The following FRAS1 variants were observed in gnomAD, a reference collection of about 807,000 sequenced individuals.
The protein encoded by FRAS1 is Fraser extracellular matrix complex subunit 1.
In FRAS1, 290 loss-of-function variants were observed where a neutral mutation model predicts 435.2. The observed-to-expected ratio is 0.67, with a 90% CI of 0.61 to 0.73. The LOEUF is 0.73. Among genes scored for constraint, FRAS1 ranks in the 30% least tolerant of loss-of-function variants. FRAS1 has a pLI of 0.00. For missense variants in FRAS1, 4,860 were observed against 5,001.5 expected (o/e 0.97, Z 0.85); for synonymous variants, 1,800 against 1,851.0 (o/e 0.97, Z 0.71).
chr4:78,248,828 G>A (rs1407318975), intron 4 of FRAS1, among the ~76,000 whole-genome samples: 1 of 151,690 alleles, frequency 6.6e-6, no homozygotes, highest in Non-Finnish European at 1.5e-5. Context: ...CTATGCAGGA[G>A]AATATATTTA....
At chr4:78,435,288 A>G (rs1356845777) in intron 38 of FRAS1, among the ~76,000 whole-genome samples, 1 of 152,158 alleles carries the variant, frequency 6.6e-6, no homozygotes, top group Non-Finnish European at 1.5e-5. Flanking sequence ...ACAAACAAAA[A>G]CAAACAATGA....
intron 2 of FRAS1, among the ~76,000 whole-genome samples, chr4:78,085,948 C>G (rs960539180): frequency 2.0e-5 from 3 of 152,186 alleles, no homozygotes; most frequent in African/African-American, 7.2e-5. Context: ...ACAGAACTCT[C>G]CACCCCAAAT....
intron 3 of FRAS1, among the ~76,000 whole-genome samples, chr4:78,242,907 CGT>C (rs1468145643): frequency 6.6e-6 from 1 of 152,064 alleles, no homozygotes; most frequent in Non-Finnish European, 1.5e-5. Context: ...ATTCTATATC[CGT>C]ATCTTATATT....
chr4:78,306,231 C>T (rs946082587), intron 14 of FRAS1, among the ~76,000 whole-genome samples: 3 of 151,756 alleles, frequency 2.0e-5, no homozygotes, highest in African/African-American at 4.8e-5. Context: ...CCAAGAGATC[C>T]GCTGTTAGTC....
At chr4:78,179,178 C>T (rs1345522341) in intron 2 of FRAS1, among the ~76,000 whole-genome samples, 1 of 152,182 alleles carries the variant, frequency 6.6e-6, no homozygotes, top group Non-Finnish European at 1.5e-5. Flanking sequence ...CTTGAGAATG[C>T]AACTTAGAAC....
At chr4:78,534,126 T>G (rs1054897440) in intron 70 of FRAS1, among the ~76,000 whole-genome samples, 1 of 152,164 alleles carries the variant, frequency 6.6e-6, no homozygotes, top group Non-Finnish European at 1.5e-5. Context: ...GAAATCTAGC[T>G]GGACTCCAAA....
chr4:78,114,491 C>G (rs544167229), intron 2 of FRAS1, among the ~76,000 whole-genome samples: 1 of 151,384 alleles, frequency 6.6e-6, no homozygotes, highest in Non-Finnish European at 1.5e-5. Flanking sequence ...TTGTTTGTAT[C>G]CTCTTTTATT....
chr4:78,307,529 C>G (rs868012983), intron 14 of FRAS1, among the ~76,000 whole-genome samples: 6 of 152,312 alleles, frequency 3.9e-5, no homozygotes, highest in East Asian at 1.9e-4. Context: ...TAGGACTCTC[C>G]GAGCCAGGTG....
intron 53 of FRAS1, among the ~76,000 whole-genome samples, chr4:78,474,605 C>G (rs1045083808): frequency 2.6e-5 from 4 of 152,134 alleles, no homozygotes; most frequent in Non-Finnish European, 5.9e-5. Flanking sequence ...AAATTCATCC[C>G]TTTTTCTGGA....
At chr4:78,209,089 G>A (rs963139235) in intron 2 of FRAS1, among the ~76,000 whole-genome samples, 4 of 152,054 alleles carry the variant, frequency 2.6e-5, no homozygotes, top group African/African-American at 9.6e-5. Flanking sequence ...AGGCTGCAGT[G>A]AGCTGTGGTC....
At chr4:78,271,967 C>A (rs1726719846) in intron 9 of FRAS1, among the ~76,000 whole-genome samples, 1 of 152,240 alleles carries the variant, frequency 6.6e-6, no homozygotes, top group South Asian at 2.1e-4. Flanking sequence ...CACATCCTCT[C>A]CAGCACCTGT....
chr4:78,218,329 G>A (rs947877390), intron 2 of FRAS1, among the ~76,000 whole-genome samples: 44 of 151,746 alleles, frequency 2.9e-4, no homozygotes, highest in African/African-American at 1.0e-3. Flanking sequence ...TTTGTGCATA[G>A]AGGGTAGAAA....
chr4:78,120,546 C>T (rs1446871235), intron 2 of FRAS1, among the ~76,000 whole-genome samples: 1 of 152,168 alleles, frequency 6.6e-6, no homozygotes, highest in African/African-American at 2.4e-5. Flanking sequence ...ACTTGTTCTC[C>T]ATTGGCGTCT....
chr4:78,240,158 G>A (rs1218537428), intron 3 of FRAS1, among the ~76,000 whole-genome samples: 3 of 152,096 alleles, frequency 2.0e-5, no homozygotes, highest in South Asian at 4.1e-4. Flanking sequence ...ATGGAGTTTG[G>A]AATTTTATTT....
intron 64 of FRAS1, among the ~76,000 whole-genome samples, chr4:78,512,316 TTGAA>T (rs559634654): frequency 1.3e-3 from 194 of 152,310 alleles, no homozygotes; most frequent in Non-Finnish European, 2.2e-3. Context: ...TAAAACATGT[TTGAA>T]TGAATATGTA....
chr4:78,178,945 A>T (rs1721891254), intron 2 of FRAS1, among the ~76,000 whole-genome samples: 1 of 152,178 alleles, frequency 6.6e-6, no homozygotes, highest in Non-Finnish European at 1.5e-5. Context: ...ACTACCGCTG[A>T]TGCACAGATG....
Position 78,479,723 on chromosome 4 carries a change from T to G in FRAS1, c.8443+5T>G, listed in dbSNP as rs1427319812. On this transcript the variant is annotated splice_donor_5th_base_variant and intron_variant, in intron 56 of 73. Coordinates refer to ENST00000512123, the MANE Select transcript of FRAS1 (RefSeq NM_025074.7). ...TCACTGTCAGTGAGGACGCAGGTAA[T>G]GGAGAGTGTCTCTGAGTTTCCTTCA... is the stretch of plus-strand genomic sequence containing the variant. 10 of 1,558,622 alleles carry G rather than the reference T, an allele frequency of 6.4e-6. No individual in the cohort carries two copies. Among genetic ancestry groups the G allele is most frequent in the Non-Finnish European group, 8.7e-6 (10 of 1,148,040 alleles).
chr4:78,140,465 T>G (rs1019810296), intron 2 of FRAS1, among the ~76,000 whole-genome samples: 1 of 152,108 alleles, frequency 6.6e-6, no homozygotes, highest in Non-Finnish European at 1.5e-5. Context: ...TATGACCATG[T>G]GCAAATTATT....
At chr4:78,104,519 C>T (rs1742292489) in intron 2 of FRAS1, among the ~76,000 whole-genome samples, 1 of 152,192 alleles carries the variant, frequency 6.6e-6, no homozygotes, top group Admixed American at 6.5e-5. Context: ...ATAAATAGGT[C>T]TGATCTCACT....
Sources: allele counts gnomAD v4.1 joint callset (sites outside exome capture counted in the v4.1 genomes callset), GRCh38; gene constraint gnomAD v4.1.1; transcripts MANE v1.5; gene names NCBI Gene and HGNC (gene_info 2026-07-23, HGNC 2026-07-21).